Variants in LRRTM4 observed in about 807,000 individuals in gnomAD.
LRRTM4 encodes the protein leucine rich repeat transmembrane neuronal 4.
A neutral mutation model predicts 47.6 loss-of-function variants in LRRTM4; 25 were observed. The ratio of observed to expected loss-of-function variants is 0.53; its 90% CI spans 0.38 to 0.73. The LOEUF (loss-of-function observed/expected upper bound fraction) is 0.73. Among genes scored for constraint, LRRTM4 ranks in the 30% least tolerant of loss-of-function variants. The pLI is 0.00. For synonymous variants in LRRTM4, 311 were observed against 269.5 expected (o/e 1.15, Z -1.51); for missense variants, 638 against 713.4 (o/e 0.89, Z 1.20).
chr2:77,501,821 A>C (rs1180287857), intron 3 of LRRTM4, among the ~76,000 whole-genome samples: 1 of 151,340 alleles, frequency 6.6e-6, no homozygotes, highest in Non-Finnish European at 1.5e-5. Context: ...AAAATACAGA[A>C]ATTAAAATAT....
At chr2:77,143,998 A>G (rs1672192438) in intron 3 of LRRTM4, among the ~76,000 whole-genome samples, 1 of 152,130 alleles carries the variant, frequency 6.6e-6, no homozygotes, top group Non-Finnish European at 1.5e-5. Flanking sequence ...AATATTTATA[A>G]TATTTATTAG....
At chr2:76,972,642 G>T (rs924375745) in intron 3 of LRRTM4, among the ~76,000 whole-genome samples, 1 of 151,736 alleles carries the variant, frequency 6.6e-6, no homozygotes, top group South Asian at 2.1e-4. Flanking sequence ...TGGTCGACTC[G>T]AACTCCTGAC....
chr2:77,096,946 T>C (rs2103901674), intron 3 of LRRTM4, among the ~76,000 whole-genome samples: 1 of 151,784 alleles, frequency 6.6e-6, no homozygotes, highest in African/African-American at 2.4e-5. Flanking sequence ...CCATTCAAAA[T>C]AAAAAAATCC....
chr2:77,186,069 G>A (rs559229703), intron 3 of LRRTM4, among the ~76,000 whole-genome samples: 10 of 152,218 alleles, frequency 6.6e-5, no homozygotes, highest in African/African-American at 2.4e-4. Flanking sequence ...GTGGCAGAAC[G>A]GATCTAATAT....
Position 77,055,534 on chromosome 2 carries a change from T to G in LRRTM4, c.1552-306618A>C, listed in dbSNP as rs182835767. 1.1e-3 allele frequency among the ~76,000 whole-genome samples: 164 copies of G among 152,226 alleles called. 1 individual carries two copies. The highest frequency in any genetic ancestry group is 6.2e-3 in the South Asian group (30 of 4,824). On this transcript the variant is annotated intron_variant, in intron 3 of 3. Transcript: ENST00000409884. The stretch of plus-strand genomic sequence containing the variant: ...AGAATGGCAATCATTAAAAAGTCAG[T>G]AAACAACAGGTGCTGGAGAGGATGT...
intron 3 of LRRTM4, among the ~76,000 whole-genome samples, chr2:77,167,332 G>A (rs2103824482): frequency 6.6e-6 from 1 of 152,246 alleles, no homozygotes. Context: ...GGAGAAATGG[G>A]AACACTATTA....
chr2:77,334,210 G>C (rs1431152752), intron 3 of LRRTM4, among the ~76,000 whole-genome samples: 1 of 152,146 alleles, frequency 6.6e-6, no homozygotes, highest in Non-Finnish European at 1.5e-5. Flanking sequence ...TGAGATGTTG[G>C]AATGTGGACT....
At chr2:76,787,104 G>C (rs1385844820) in intron 3 of LRRTM4, among the ~76,000 whole-genome samples, 1 of 151,972 alleles carries the variant, frequency 6.6e-6, no homozygotes, top group African/African-American at 2.4e-5. Flanking sequence ...AATACATGTG[G>C]CAAGGGAAAT....
intron 3 of LRRTM4, among the ~76,000 whole-genome samples, chr2:77,167,184 A>T (rs1672910696): frequency 6.6e-6 from 1 of 152,244 alleles, no homozygotes; most frequent in Non-Finnish European, 1.5e-5. Context: ...TTATGCAGCT[A>T]ACAGACTCAT....
chr2:77,012,016 C>G (rs147177562), intron 3 of LRRTM4, among the ~76,000 whole-genome samples: 6 of 152,030 alleles, frequency 3.9e-5, no homozygotes, highest in Non-Finnish European at 8.8e-5. Context: ...GCATTTGAAG[C>G]CTGCATCAAA....
intron 3 of LRRTM4, among the ~76,000 whole-genome samples, chr2:77,456,070 T>C (rs1053912186): frequency 6.6e-6 from 1 of 152,096 alleles, no homozygotes; most frequent in African/African-American, 2.4e-5. Context: ...CCTTGAGCTC[T>C]TTCATCAAAA....
intron 3 of LRRTM4, among the ~76,000 whole-genome samples, chr2:77,228,745 AG>A (rs1235163268): frequency 6.6e-6 from 1 of 152,224 alleles, no homozygotes; most frequent in Non-Finnish European, 1.5e-5. Flanking sequence ...TCATATCAGG[AG>A]AAGAGCTAGT....
intron 3 of LRRTM4, among the ~76,000 whole-genome samples, chr2:77,221,456 A>C (rs1674629871): frequency 6.6e-6 from 1 of 152,168 alleles, no homozygotes; most frequent in Admixed American, 6.5e-5. Context: ...GTATTCAGGA[A>C]ACCCATCTCA....
intron 3 of LRRTM4, among the ~76,000 whole-genome samples, chr2:77,092,725 A>G (rs200883082): frequency 0.1 from 12,143 of 121,132 alleles, 511 homozygotes; most frequent in East Asian, 0.31. Flanking sequence ...CATTTCTTCC[A>G]TTCTGTCAGA....
intron 3 of LRRTM4, among the ~76,000 whole-genome samples, chr2:76,989,666 A>G (rs956262727): frequency 3.9e-5 from 5 of 128,784 alleles, no homozygotes; most frequent in Non-Finnish European, 4.7e-5. Context: ...AAATGGCAGT[A>G]ATGGATCTCA....
At chr2:77,490,076 C>A (rs562861434) in intron 3 of LRRTM4, among the ~76,000 whole-genome samples, 3 of 151,948 alleles carry the variant, frequency 2.0e-5, no homozygotes, top group Non-Finnish European at 4.4e-5. Flanking sequence ...ATGGTGAAAC[C>A]CCATCTCTAC....
chr2:77,426,981 C>CT (rs1370837107), intron 3 of LRRTM4, among the ~76,000 whole-genome samples: 4,815 of 135,670 alleles, frequency 0.035, 211 homozygotes, highest in African/African-American at 0.1. Context: ...CTGTGCCTGG[C>CT]TTTTTTTTTT....
At chr2:77,167,147 T>A (rs1230794975) in intron 3 of LRRTM4, among the ~76,000 whole-genome samples, 1 of 152,140 alleles carries the variant, frequency 6.6e-6, no homozygotes, top group Non-Finnish European at 1.5e-5. Flanking sequence ...GCAAAGGATA[T>A]GAAGAGACAC....
At chr2:77,372,847 G>C (rs1051889212) in intron 3 of LRRTM4, among the ~76,000 whole-genome samples, 1 of 151,264 alleles carries the variant, frequency 6.6e-6, no homozygotes, top group African/African-American at 2.4e-5. Flanking sequence ...TGTGAGTTCA[G>C]AGTTCAGAAG....
Sources: allele counts gnomAD v4.1 joint callset (sites outside exome capture counted in the v4.1 genomes callset), GRCh38; gene constraint gnomAD v4.1.1; transcripts MANE v1.5; gene names NCBI Gene and HGNC (gene_info 2026-07-23, HGNC 2026-07-21).